Variants in ARHGAP19 observed in about 807,000 individuals in gnomAD.
ARHGAP19 encodes the protein Rho GTPase activating protein 19, also known as rho GTPase-activating protein 19.
In ARHGAP19, 48 loss-of-function variants were observed where a neutral mutation model predicts 60.9. The observed-to-expected ratio is 0.79, with a 90% CI of 0.62 to 1.00. ARHGAP19 has a LOEUF of 1.00. Ranked by LOEUF, ARHGAP19 falls within the 50% of genes least tolerant of loss-of-function variation. The probability of loss-of-function intolerance (pLI) is 0.00; values close to 1 mark genes in which losing one functional copy is unlikely to be tolerated. For missense variants in ARHGAP19, 562 were observed against 597.2 expected (o/e 0.94, Z 0.61); for synonymous variants, 209 against 215.5 (o/e 0.97, Z 0.27).
chr10:97,226,055 G>A lies in ARHGAP19; in HGVS notation c.*67C>T, dbSNP rs1423798065. On this transcript the variant is annotated 3_prime_UTR_variant, in exon 12 of 12. Coordinates refer to ENST00000358531, the MANE Select transcript of ARHGAP19 (RefSeq NM_032900.6). ...GCTGCAAGTCCAAGCTTTGCTGTGG[G>A]CAGGAATAACACCTGCCCACTAAAC... The A allele has an allele frequency of 5.8e-6, 9 of 1,552,834 alleles. No homozygotes were observed. Among genetic ancestry groups the A allele is most frequent in the Non-Finnish European group, 8.0e-6 (9 of 1,131,342 alleles).
intron 1 of ARHGAP19, among the ~76,000 whole-genome samples, chr10:97,271,309 G>A (rs529950210): frequency 7.3e-5 from 11 of 151,694 alleles, no homozygotes; most frequent in Non-Finnish European, 1.2e-4. Context: ...TCATTTGAAC[G>A]TACTATCCAT....
At position 97,256,392 on chromosome 10, in the gene ARHGAP19, C is replaced by A; in HGVS notation, c.853G>T (p.Asp285Tyr). The A allele has an allele frequency of 6.2e-7, 1 of 1,613,564 alleles. No individual in the cohort carries two copies. Among genetic ancestry groups the A allele is most frequent in the South Asian group, 1.1e-5 (1 of 91,038 alleles). The part of the protein sequence containing the change: ...VLWPKNVTAN[D>Y]LQENITKLNS... ...AACTTTGTGATATTCTCCTGAAGGTCATTTGCAGTGACCTATTCAGAGGAA... is the reference window on the plus strand; with the variant it reads ...AACTTTGTGATATTCTCCTGAAGGTAATTTGCAGTGACCTATTCAGAGGAA... The change falls in exon 6 of 12, where the codon GAC (aspartate) becomes TAC (tyrosine). Residue 285 changes from aspartate (D) to tyrosine (Y), a missense_variant. Physicochemically the swap from Asp to Tyr is radical, Grantham distance 160. Transcript: ENST00000358531.
chr10:97,262,636 G>A (rs1174064078), intron 4 of ARHGAP19, among the ~76,000 whole-genome samples: 2 of 152,182 alleles, frequency 1.3e-5, no homozygotes, highest in Non-Finnish European at 2.9e-5. Flanking sequence ...TTGCGCTCCA[G>A]CCTAGTGACA....
chr10:97,244,954 A>G (rs891215910), intron 7 of ARHGAP19, among the ~76,000 whole-genome samples: 1 of 151,544 alleles, frequency 6.6e-6, no homozygotes, highest in African/African-American at 2.4e-5. Flanking sequence ...GAAAGAAAGG[A>G]AAGTATGCTT....
intron 6 of ARHGAP19, among the ~76,000 whole-genome samples, chr10:97,251,382 G>GA (rs1842655748): frequency 4.3e-5 from 1 of 23,276 alleles, no homozygotes; most frequent in Non-Finnish European, 9.7e-5. Context: ...GGAATGGAAG[G>GA]GAAGGGGAAG....
intron 5 of ARHGAP19, 197 bp from the exon 6 acceptor site, chr10:97,256,601 C>G (rs183545011): frequency 2.4e-6 from 1 of 424,946 alleles, no homozygotes; most frequent in African/African-American, 2.1e-5. Context: ...CCTGAAGTGA[C>G]GAGGAAATCC....
At chr10:97,254,751 C>G (rs1243544761) in intron 6 of ARHGAP19, among the ~76,000 whole-genome samples, 1 of 151,974 alleles carries the variant, frequency 6.6e-6, no homozygotes, top group South Asian at 2.1e-4. Context: ...AAAAGGCAAC[C>G]CACAGAATAG....
At position 97,231,059 on chromosome 10, in the gene ARHGAP19, C is replaced by CAAAAAAAAAAAA. The variant is rs869291841; in HGVS notation, c.1285-1197_1285-1186dup. 1.7e-3 allele frequency among the ~76,000 whole-genome samples: 104 copies of CAAAAAAAAAAAA among 59,764 alleles called. 8 individuals are homozygous for CAAAAAAAAAAAA. Among genetic ancestry groups the CAAAAAAAAAAAA allele is most frequent in the African/African-American group, 5.7e-3 (82 of 14,290 alleles). 39.2% of individuals were successfully genotyped at this position (59,764 alleles called of 152,430 possible). On this transcript the variant is annotated intron_variant, in intron 9 of 11. Transcript: ENST00000358531. Reference sequence around the variant, plus strand: ...ACACCTAGTGAGACTCTTGTCTCACCAAAAAAAAAAAAAAAAAAAAAAAAA... The same window carrying CAAAAAAAAAAAA: ...ACACCTAGTGAGACTCTTGTCTCACCAAAAAAAAAAAAAAAAAAAAAAAAAAAAAAAAAAAAA...
rs1170639718 is a variant in ARHGAP19 at position 97,232,154 on chromosome 10, A to ATT, written c.1285-2282_1285-2281dup. On this transcript the variant is annotated intron_variant, in intron 9 of 11. Coordinates refer to ENST00000358531, the MANE Select transcript of ARHGAP19 (RefSeq NM_032900.6). The stretch of plus-strand genomic sequence containing the variant: ...TTTCTATTTAAGTCCTTTGCTCACT[A>ATT]TTTTTTTTTTTTTTTTTTTTTTTTT... Among the ~76,000 whole-genome samples the ATT allele has an allele frequency of 3.9e-3, 220 of 56,314 alleles. 46 individuals are homozygous for ATT. Among genetic ancestry groups the ATT allele is most frequent in the African/African-American group, 9.9e-3 (123 of 12,476 alleles). 36.9% of individuals were successfully genotyped at this position (56,314 alleles called of 152,430 possible). A position where few individuals can be genotyped will look rare whatever the true frequency, so the allele number is the denominator to read the frequency against.
In ARHGAP19 at chr10:97,229,226, C is replaced by T. The variant is rs1473781422; in HGVS notation, c.1396-1G>A. ...TGACAGCTGGAGAGCCAGAAAATAA[C>T]TGTAATAAGAAAATTGTACAGTGGT... On this transcript the variant is annotated splice_acceptor_variant, in intron 10 of 11. Coordinates refer to ENST00000358531, the MANE Select transcript of ARHGAP19 (RefSeq NM_032900.6). LOFTEE classifies it high-confidence loss of function. The T allele has an allele frequency of 1.9e-6, 3 of 1,613,052 alleles. No individual in the cohort carries two copies. The highest frequency in any genetic ancestry group is 1.7e-5 in the Admixed American group (1 of 59,990).
chr10:97,241,630 T>C (rs1842483354), intron 8 of ARHGAP19, among the ~76,000 whole-genome samples: 1 of 148,584 alleles, frequency 6.7e-6, no homozygotes, highest in Non-Finnish European at 1.5e-5. Flanking sequence ...GGAGGATTGC[T>C]TGAACCCAGG....
chr10:97,234,196 G>A (rs190119695), intron 9 of ARHGAP19, among the ~76,000 whole-genome samples: 16 of 152,112 alleles, frequency 1.1e-4, no homozygotes, highest in Admixed American at 9.8e-4. Flanking sequence ...GAACCCAAGA[G>A]GGGGAGGTTG....
chr10:97,274,927 T>A (rs1403122141), intron 1 of ARHGAP19: 1 of 152,118 alleles, frequency 6.6e-6, no homozygotes, highest in Non-Finnish European at 1.5e-5. Context: ...ATTGACAGGA[T>A]GTTGTGTGTA....
intron 1 of ARHGAP19, 73 bp from the exon 2 acceptor site, chr10:97,266,198 TTGGTCC>T: frequency 5.8e-6 from 9 of 1,563,720 alleles, no homozygotes; most frequent in Non-Finnish European, 6.9e-6. Flanking sequence ...ATTGGGTTAT[TTGGTCC>T]TGACTCCACG....
At chr10:97,246,067 T>C (rs1842559337) in intron 7 of ARHGAP19, among the ~76,000 whole-genome samples, 1 of 152,198 alleles carries the variant, frequency 6.6e-6, no homozygotes, top group African/African-American at 2.4e-5. Flanking sequence ...TGAGTTACCA[T>C]ACCTCACATG....
chr10:97,267,739 GCCTGAGCTATACACTGT>G (rs1314701568), intron 1 of ARHGAP19, among the ~76,000 whole-genome samples: 11 of 152,246 alleles, frequency 7.2e-5, no homozygotes, highest in African/African-American at 2.2e-4. Flanking sequence ...TGAAGCAATG[GCCTGAGCTATACACTGT>G]CCCCTTTTAG....
intron 3 of ARHGAP19, among the ~76,000 whole-genome samples, chr10:97,264,262 G>C (rs554544823): frequency 6.6e-6 from 1 of 152,226 alleles, no homozygotes; most frequent in East Asian, 1.9e-4. Flanking sequence ...GACAAGCCTA[G>C]GCAATATGGC....
chr10:97,244,991 G>C (rs1004201719), intron 7 of ARHGAP19, among the ~76,000 whole-genome samples: 3 of 151,182 alleles, frequency 2.0e-5, no homozygotes, highest in Non-Finnish European at 2.9e-5. Flanking sequence ...GGCACATAAA[G>C]GTCAAGTGCC....
rs373425830 is a variant in ARHGAP19 at position 97,235,304 on chromosome 10, T to C, written c.1197A>G (p.Gln399=). 5 of 1,612,160 alleles carry C rather than the reference T, an allele frequency of 3.1e-6. No individual in the cohort carries two copies. Among genetic ancestry groups the C allele is most frequent in the Non-Finnish European group, 1.7e-6 (2 of 1,178,454 alleles). ...KKQLIRQFNK[Q]SLTQTPGREP... ...CTCGCCCTGGTGTCTGGGTCAATGA[T>C]TGCTTATTAAACTAAAAGAAAACAT... Residue 399 remains glutamine, a synonymous_variant, in exon 9 of 12, where the codon CAA becomes CAG. Coordinates refer to ENST00000358531, the MANE Select transcript of ARHGAP19 (RefSeq NM_032900.6).
Sources: allele counts gnomAD v4.1 joint callset (sites outside exome capture counted in the v4.1 genomes callset), GRCh38; gene constraint gnomAD v4.1.1; transcripts MANE v1.5; gene names NCBI Gene and HGNC (gene_info 2026-07-23, HGNC 2026-07-21).